The following TMC2 variants were observed in gnomAD, a reference collection of about 807,000 sequenced individuals.
TMC2 encodes the protein transmembrane channel-like protein 2.
Under a neutral mutation model 105.9 loss-of-function variants are expected in TMC2, and 102 were observed. The ratio of observed to expected loss-of-function variants is 0.96; its 90% CI spans 0.82 to 1.14. TMC2 has a LOEUF of 1.14. Ranked by LOEUF, TMC2 falls within the 50% of genes most tolerant of loss-of-function variation. The pLI is 0.00. For missense variants in TMC2, 1,093 were observed against 1,134.3 expected, an observed-to-expected ratio of 0.96 and a Z score of 0.52; for synonymous variants, 402 against 422.8, an observed-to-expected ratio of 0.95 and a Z score of 0.60.
intron 6 of TMC2, among the ~76,000 whole-genome samples, 185 bp downstream of exon 6, chr20:2,579,412 A>G (rs939310626): frequency 1.3e-5 from 2 of 148,738 alleles, no homozygotes; most frequent in Non-Finnish European, 3.0e-5. Context: ...TTATTTATTT[A>G]TTTATTTATT....
chr20:2,607,000 T>C (rs2086399107), intron 11 of TMC2, among the ~76,000 whole-genome samples: 1 of 151,772 alleles, frequency 6.6e-6, no homozygotes, highest in Admixed American at 6.6e-5. Flanking sequence ...TTCAGTTTTC[T>C]GTTTTTGAAT....
chr20:2,588,365 T>G (rs1370685673), intron 7 of TMC2, among the ~76,000 whole-genome samples: 1 of 152,150 alleles, frequency 6.6e-6, no homozygotes, highest in African/African-American at 2.4e-5. Flanking sequence ...ATGAGACCCT[T>G]AGCCCCTGCT....
intron 11 of TMC2, among the ~76,000 whole-genome samples, chr20:2,604,046 C>T (rs975937303): frequency 5.3e-5 from 8 of 152,294 alleles, no homozygotes; most frequent in African/African-American, 1.4e-4. Flanking sequence ...ACGATGGCTC[C>T]GGAGACCAAC....
At chr20:2,640,731 G>A (rs1270403167) in intron 19 of TMC2, among the ~76,000 whole-genome samples, 2 of 152,168 alleles carry the variant, frequency 1.3e-5, no homozygotes, top group African/African-American at 2.4e-5. Context: ...TTAGAGGAGG[G>A]GAAGGAAACA....
intron 2 of TMC2, among the ~76,000 whole-genome samples, chr20:2,552,200 G>A (rs2085960918): frequency 6.6e-6 from 1 of 152,212 alleles, no homozygotes; most frequent in African/African-American, 2.4e-5. Flanking sequence ...CAAGGCTGCA[G>A]TGAGCTATAT....
At chr20:2,622,091 T>G (rs922265237) in intron 16 of TMC2, among the ~76,000 whole-genome samples, 2 of 152,202 alleles carry the variant, frequency 1.3e-5, no homozygotes, top group African/African-American at 4.8e-5. Context: ...GCACTTGAAA[T>G]GCCATCATGC....
intron 19 of TMC2, among the ~76,000 whole-genome samples, chr20:2,640,176 T>C (rs968070145): frequency 2.6e-5 from 4 of 152,052 alleles, no homozygotes; most frequent in African/African-American, 9.7e-5. Context: ...GAGATGGGAT[T>C]TCACCACGTT....
At chr20:2,632,679 T>C (rs1490032433) in intron 17 of TMC2, among the ~76,000 whole-genome samples, 1 of 152,172 alleles carries the variant, frequency 6.6e-6, no homozygotes, top group African/African-American at 2.4e-5. Context: ...AACCTCCACC[T>C]CCTGGGCTCA....
At chr20:2,613,087 G>A in intron 13 of TMC2, 107 bp from the exon 14 acceptor site, 2 of 1,449,322 alleles carry the variant, frequency 1.4e-6, no homozygotes, top group Non-Finnish European at 1.9e-6. Flanking sequence ...CAGAGACAAA[G>A]TCAGGTGGGT....
intron 11 of TMC2, among the ~76,000 whole-genome samples, chr20:2,607,473 A>G (rs1411134202): frequency 6.6e-6 from 1 of 152,234 alleles, no homozygotes; most frequent in East Asian, 1.9e-4. Flanking sequence ...GTTTTAGCTC[A>G]TCTCCAGATT....
chr20:2,634,005 G>A (rs772009969), intron 17 of TMC2, among the ~76,000 whole-genome samples: 2 of 152,204 alleles, frequency 1.3e-5, no homozygotes, highest in African/African-American at 4.8e-5. Context: ...CCTTGGATGG[G>A]CTTAAAGACT....
Position 2,616,200 on chromosome 20 carries a change from A to G in TMC2, c.1936A>G (p.Ile646Val), listed in dbSNP as rs765197610. The change falls in exon 15 of 20, where the codon ATC becomes GTC. Residue 646 changes from isoleucine to valine, a missense_variant. Ile to Val is a conservative substitution (Grantham distance 29). Coordinates refer to ENST00000358864, the MANE Select transcript of TMC2 (RefSeq NM_080751.3). This position sits in a 1 kb window ranked among gnomAD's most constrained non-coding sequence, Gnocchi z 4.8. ...GGGTTTGATCTTCAACCAAGGAATG[A>G]TCTGGTGAGTTATCCATTTCATCTG... ...VLGLIFNQGM[I>V]WMGSFYAPGL... 5 of 1,612,454 alleles carry G rather than the reference A, an allele frequency of 3.1e-6. No homozygotes were observed. The highest frequency in any genetic ancestry group is 4.2e-6 in the Non-Finnish European group (5 of 1,178,588).
intron 4 of TMC2, among the ~76,000 whole-genome samples, chr20:2,563,352 G>A (rs530624802): frequency 1.3e-5 from 2 of 152,096 alleles, no homozygotes; most frequent in South Asian, 2.1e-4. Context: ...ACACCTCCTC[G>A]TAGTGCCTCC....
chr20:2,600,320 G>A (rs2086341213), intron 10 of TMC2, among the ~76,000 whole-genome samples: 1 of 152,182 alleles, frequency 6.6e-6, no homozygotes, highest in Non-Finnish European at 1.5e-5. Flanking sequence ...CAATTACTCT[G>A]TGTCTAGGGC....
rs562638511 is a variant in TMC2 at position 2,579,845 on chromosome 20, C to G, written c.728-105C>G. 12 of 675,686 alleles carry G rather than the reference C, an allele frequency of 1.8e-5. No individual in the cohort carries two copies. The South Asian group carries it at 2.1e-4, about 12-fold the overall frequency. 41.9% of individuals were successfully genotyped at this position (675,686 alleles called of 1,614,324 possible). ...AAGAAAGGGAGATCCAGGTGTCATTCAACAGACTGATGTGAAAATTGAATC... is the reference window on the plus strand; with the variant it reads ...AAGAAAGGGAGATCCAGGTGTCATTGAACAGACTGATGTGAAAATTGAATC... On this transcript the variant is annotated intron_variant, in intron 6 of 19. Coordinates refer to ENST00000358864, the MANE Select transcript of TMC2 (RefSeq NM_080751.3).
At chr20:2,638,766 T>A (rs1436933850) in intron 19 of TMC2, among the ~76,000 whole-genome samples, 1 of 152,126 alleles carries the variant, frequency 6.6e-6, no homozygotes, top group Non-Finnish European at 1.5e-5. Flanking sequence ...AAAAAGCTTA[T>A]CAAATAAGGA....
At chr20:2,591,557 T>C (rs1600116903) in intron 7 of TMC2, among the ~76,000 whole-genome samples, 2 of 151,804 alleles carry the variant, frequency 1.3e-5, no homozygotes, top group South Asian at 2.1e-4. Flanking sequence ...TACAAAAAAT[T>C]AGCTGGGCGT....
rs6083914 is a variant in TMC2, at chr20:2,637,347, C to T, written c.2386-127C>T. On this transcript the variant is annotated intron_variant, in intron 18 of 19. Coordinates refer to ENST00000358864, the MANE Select transcript of TMC2 (RefSeq NM_080751.3). ...AGATTGCAGTGAGCCGAGTTCACGC[C>T]GCTGCACTCCAGCCTGGGCAACAGA... is the stretch of plus-strand genomic sequence containing the variant. 0.75 allele frequency: 433,273 copies of T among 576,584 alleles called. 164,198 individuals are homozygous for T. Among genetic ancestry groups the T allele is most frequent in the Admixed American group, 0.83 (29,062 of 34,964 alleles). 35.7% of individuals were successfully genotyped at this position (576,584 alleles called of 1,614,324 possible).
chr20:2,548,332 A>T (rs1000235197), intron 2 of TMC2, among the ~76,000 whole-genome samples: 1 of 152,250 alleles, frequency 6.6e-6, no homozygotes. Context: ...AATGTTTCAG[A>T]ATCCTTTCTT....
Sources: gnomAD v4.1 joint callset for allele counts (sites outside exome capture counted in the v4.1 genomes callset) on GRCh38, gnomAD v4.1.1 for gene constraint, Gnocchi (gnomAD v3.1) non-coding constraint, MANE v1.5 for transcripts, NCBI Gene and HGNC (gene_info 2026-07-23, HGNC 2026-07-21) for gene names.